AUTS2: variants seen among roughly 807,000 people sequenced by gnomAD.
AUTS2 encodes activator of transcription and developmental regulator AUTS2.
AUTS2 carries 17 observed loss-of-function variants against 112.4 expected under a neutral mutation model. The ratio of observed to expected loss-of-function variants is 0.15; its 90% CI spans 0.10 to 0.23. The LOEUF is 0.23. Among genes scored for constraint, AUTS2 ranks in the 10% least tolerant of loss-of-function variants. AUTS2 has a pLI of 1.00. For synonymous variants in AUTS2, 751 were observed against 702.7 expected (o/e 1.07, Z -1.09); for missense variants, 1,510 against 1,701.6 (o/e 0.89, Z 1.98).
chr7:69,673,372 C>T (rs1318905242), intron 1 of AUTS2, among the ~76,000 whole-genome samples: 3 of 152,132 alleles, frequency 2.0e-5, no homozygotes, highest in African/African-American at 7.2e-5. Flanking sequence ...GACCTTATTC[C>T]CTGAACCTAG....
chr7:69,742,861 CT>C (rs1194543557), intron 1 of AUTS2, among the ~76,000 whole-genome samples: 5 of 152,126 alleles, frequency 3.3e-5, no homozygotes, highest in African/African-American at 1.2e-4. Flanking sequence ...ACTTTTATGA[CT>C]TTTATGTAGA....
At chr7:69,898,314 A>G (rs1794836594) in intron 1 of AUTS2, among the ~76,000 whole-genome samples, 1 of 152,184 alleles carries the variant, frequency 6.6e-6, no homozygotes, top group South Asian at 2.1e-4. Context: ...TAGTTTCCAA[A>G]TAACTGAGTG....
chr7:70,146,590 A>T (rs1807136292), intron 4 of AUTS2, among the ~76,000 whole-genome samples: 1 of 151,874 alleles, frequency 6.6e-6, no homozygotes, highest in Non-Finnish European at 1.5e-5. Flanking sequence ...TCCAACCTCT[A>T]CCTCCATTTG....
At chr7:70,510,512 A>G (rs747069527) in intron 5 of AUTS2, among the ~76,000 whole-genome samples, 1 of 152,218 alleles carries the variant, frequency 6.6e-6, no homozygotes, top group African/African-American at 2.4e-5. Context: ...AGACCCTGTC[A>G]GGAGTTCTCC....
rs117945704 is a variant in AUTS2, at chr7:70,463,903, G to T, written c.690+28122G>T. 3.0e-3 allele frequency among the ~76,000 whole-genome samples: 456 copies of T among 152,258 alleles called. 1 individual carries two copies. The highest frequency in any genetic ancestry group is 5.5e-3 in the Non-Finnish European group (373 of 68,018). On this transcript the variant is annotated intron_variant, in intron 5 of 18. Transcript: ENST00000342771. The stretch of plus-strand genomic sequence containing the variant: ...CCTAATGGTAGTTTGTCAATTAAGG[G>T]GATACTTAGAGAAAGTGAAATTAAT...
At chr7:69,871,461 G>A (rs571309137) in intron 1 of AUTS2, among the ~76,000 whole-genome samples, 1 of 152,274 alleles carries the variant, frequency 6.6e-6, no homozygotes, top group Admixed American at 6.5e-5. Context: ...TATATACTAT[G>A]CTTTTTCCTA....
intron 1 of AUTS2, among the ~76,000 whole-genome samples, chr7:69,848,698 T>G (rs1188153783): frequency 1.3e-5 from 2 of 152,226 alleles, no homozygotes; most frequent in Non-Finnish European, 2.9e-5. Context: ...CGTCAAAGGA[T>G]TCTGTGAAAT....
In AUTS2 at chr7:70,009,272, G is replaced by A; in HGVS notation, c.523-108860G>A. On this transcript the variant is annotated intron_variant, in intron 2 of 18. Transcript: ENST00000342771. The stretch of plus-strand genomic sequence containing the variant: ...ACGTTAATTCACTCATGAAGGCAGT[G>A]ACCCCACGATCTAATCACCTCCTGT... Among the ~76,000 whole-genome samples the A allele has an allele frequency of 1.3e-5, 2 of 152,146 alleles. 1 individual carries two copies.
At chr7:70,030,274 G>A (rs1800715041) in intron 2 of AUTS2, among the ~76,000 whole-genome samples, 1 of 152,180 alleles carries the variant, frequency 6.6e-6, no homozygotes, top group Non-Finnish European at 1.5e-5. Context: ...TACAGCATGG[G>A]CTGCCACAGT....
chr7:70,435,911 G>A, intron 5 of AUTS2, 130 bp downstream of exon 5: 2 of 930,008 alleles, frequency 2.2e-6, no homozygotes, highest in South Asian at 1.7e-5. Flanking sequence ...GGAAAGATGG[G>A]CATTATTCAC....
At chr7:70,621,877 GTC>G (rs1436616887) in intron 5 of AUTS2, among the ~76,000 whole-genome samples, 7 of 125,096 alleles carry the variant, frequency 5.6e-5, no homozygotes, top group South Asian at 2.9e-4. Flanking sequence ...GAGAAATGGA[GTC>G]TCTGTCGCCC....
intron 5 of AUTS2, among the ~76,000 whole-genome samples, chr7:70,543,708 A>G (rs1383283195): frequency 6.6e-6 from 1 of 152,146 alleles, no homozygotes; most frequent in Non-Finnish European, 1.5e-5. Context: ...CTCAGGAGCC[A>G]TGGGCCTCCT....
chr7:69,873,085 C>T (rs571954371), intron 1 of AUTS2, among the ~76,000 whole-genome samples: 20 of 151,900 alleles, frequency 1.3e-4, no homozygotes, highest in African/African-American at 4.6e-4. Flanking sequence ...TCAGCTGATC[C>T]GCCCGCCTCA....
chr7:70,033,223 A>G (rs1384913356), intron 2 of AUTS2, among the ~76,000 whole-genome samples: 2 of 152,306 alleles, frequency 1.3e-5, no homozygotes, highest in South Asian at 4.1e-4. Flanking sequence ...TTATTTTTTT[A>G]AAAAGGTATT....
chr7:70,195,029 A>C (rs1178284127), intron 4 of AUTS2, among the ~76,000 whole-genome samples: 1 of 152,126 alleles, frequency 6.6e-6, no homozygotes, highest in Non-Finnish European at 1.5e-5. Context: ...TTTTCTTGAA[A>C]TCTCCACTTG....
At chr7:69,797,250 A>G (rs1461122786) in intron 1 of AUTS2, among the ~76,000 whole-genome samples, 1 of 152,082 alleles carries the variant, frequency 6.6e-6, no homozygotes. Flanking sequence ...GTGATTCTCA[A>G]ACTGCTTTGT....
chr7:70,470,891 C>T (rs1056096075), intron 5 of AUTS2, among the ~76,000 whole-genome samples: 6 of 152,106 alleles, frequency 3.9e-5, no homozygotes, highest in South Asian at 2.1e-4. Flanking sequence ...GGATCTGACC[C>T]GCGGCAGTGT....
chr7:69,602,955 A>G (rs145020627), intron 1 of AUTS2, among the ~76,000 whole-genome samples: 1 of 152,340 alleles, frequency 6.6e-6, no homozygotes, highest in East Asian at 1.9e-4. Context: ...TTATTGAACT[A>G]TCACCAAGAA....
chr7:69,895,785 A>G (rs2129539960), intron 1 of AUTS2, among the ~76,000 whole-genome samples: 1 of 152,360 alleles, frequency 6.6e-6, no homozygotes, highest in Admixed American at 6.5e-5. Flanking sequence ...ATGGAATTAC[A>G]CATAATTTTC....
Sources: allele counts gnomAD v4.1 joint callset (sites outside exome capture counted in the v4.1 genomes callset), GRCh38; gene constraint gnomAD v4.1.1; transcripts MANE v1.5; gene names NCBI Gene and HGNC (gene_info 2026-07-23, HGNC 2026-07-21).